Variants in SUPT3H observed in about 807,000 individuals in gnomAD.
SUPT3H encodes the protein transcription initiation protein SPT3 homolog.
SUPT3H carries 44 observed loss-of-function variants against 44.3 expected under a neutral mutation model. The ratio of observed to expected loss-of-function variants is 0.99; its 90% CI spans 0.78 to 1.28. SUPT3H has a LOEUF of 1.28. SUPT3H is among the 50% of genes most tolerant of loss of function. The pLI is 0.00. For synonymous variants in SUPT3H, 124 were observed against 125.6 expected, an observed-to-expected ratio of 0.99 and a Z score of 0.09; for missense variants, 380 against 387.1, an observed-to-expected ratio of 0.98 and a Z score of 0.15.
intron 6 of SUPT3H, among the ~76,000 whole-genome samples, chr6:44,999,376 G>A (rs907674581): frequency 2.0e-5 from 3 of 151,912 alleles, no homozygotes; most frequent in East Asian, 1.9e-4. Flanking sequence ...GACTACAGGC[G>A]TACACCACCA....
At chr6:45,119,008 T>C (rs1268674298) in intron 2 of SUPT3H, among the ~76,000 whole-genome samples, 1 of 152,178 alleles carries the variant, frequency 6.6e-6, no homozygotes, top group African/African-American at 2.4e-5. Flanking sequence ...GTTATCGTAG[T>C]TGAGTTATCA....
At chr6:45,297,915 T>C (rs1282427462) in intron 2 of SUPT3H, among the ~76,000 whole-genome samples, 2 of 152,184 alleles carry the variant, frequency 1.3e-5, no homozygotes, top group Non-Finnish European at 2.9e-5. Flanking sequence ...GCTCACAATA[T>C]CCATAAAAAG....
intron 2 of SUPT3H, among the ~76,000 whole-genome samples, chr6:45,165,869 T>C (rs1809758810): frequency 6.6e-6 from 1 of 152,128 alleles, no homozygotes. Context: ...AAATACTAAA[T>C]GATCTAACAT....
intron 2 of SUPT3H, among the ~76,000 whole-genome samples, chr6:45,153,649 T>C (rs1338919771): frequency 6.6e-6 from 1 of 152,150 alleles, no homozygotes; most frequent in African/African-American, 2.4e-5. Flanking sequence ...GGCTGATGGA[T>C]CACTTGAGGT....
intron 2 of SUPT3H, among the ~76,000 whole-genome samples, chr6:45,290,553 T>C (rs1234988941): frequency 6.6e-6 from 1 of 151,892 alleles, no homozygotes; most frequent in African/African-American, 2.4e-5. Flanking sequence ...TTTAACTATA[T>C]ACTCCTTTAA....
At chr6:45,327,749 A>G (rs1245197260) in intron 2 of SUPT3H, among the ~76,000 whole-genome samples, 1 of 151,176 alleles carries the variant, frequency 6.6e-6, no homozygotes, top group Non-Finnish European at 1.5e-5. Context: ...TTTTTTTACA[A>G]TGAGTTACAG....
chr6:44,954,267 C>G lies in SUPT3H; in HGVS notation c.693+228G>C, dbSNP rs79733661. Among the ~76,000 whole-genome samples, 13 of 152,298 alleles carry G rather than the reference C, an allele frequency of 8.5e-5. No homozygotes were observed. In the East Asian group the frequency reaches 2.5e-3, roughly 29 times the overall value. The stretch of plus-strand genomic sequence containing the variant: ...GAAAAAGCATGCAGGGATTCCATTT[C>G]TCATTAAGATAAAGGTACAAGAACT... On this transcript the variant is annotated intron_variant, in intron 8 of 10. Coordinates refer to ENST00000371459, the MANE Select transcript of SUPT3H (RefSeq NM_003599.4).
chr6:45,130,090 CAG>C (rs1302940228), intron 2 of SUPT3H, among the ~76,000 whole-genome samples: 4 of 152,160 alleles, frequency 2.6e-5, no homozygotes, highest in Non-Finnish European at 5.9e-5. Context: ...TGGACATTCA[CAG>C]AGTTGTGAAA....
chr6:45,211,520 GGTATTT>G (rs1764075894), intron 2 of SUPT3H, among the ~76,000 whole-genome samples: 1 of 151,968 alleles, frequency 6.6e-6, no homozygotes, highest in Non-Finnish European at 1.5e-5. Context: ...CATCTCCTTC[GGTATTT>G]GTCCAATAAC....
intron 3 of SUPT3H, among the ~76,000 whole-genome samples, chr6:45,104,536 A>AT (rs1799016781): frequency 6.6e-6 from 1 of 152,034 alleles, no homozygotes; most frequent in African/African-American, 2.4e-5. Flanking sequence ...GTATTATGTT[A>AT]TTATTGTTCA....
chr6:45,162,757 C>A (rs936366532), intron 2 of SUPT3H, among the ~76,000 whole-genome samples: 1 of 151,918 alleles, frequency 6.6e-6, no homozygotes, highest in Non-Finnish European at 1.5e-5. Flanking sequence ...CTAAGAGTAA[C>A]GATGCTTGTT....
At chr6:44,870,817 G>A (rs562310633) in intron 10 of SUPT3H, among the ~76,000 whole-genome samples, 122 of 151,676 alleles carry the variant, frequency 8.0e-4, no homozygotes, top group African/African-American at 2.9e-3. Flanking sequence ...GAAGCAGGGC[G>A]AGGCATTCCC....
chr6:45,219,515 C>T (rs1195178452), intron 2 of SUPT3H, among the ~76,000 whole-genome samples: 1 of 152,122 alleles, frequency 6.6e-6, no homozygotes, highest in Non-Finnish European at 1.5e-5. Context: ...TTTAGACTTA[C>T]GAATCTGACA....
chr6:45,212,481 ATGTGTGTGTGTGTG>A (rs11269206), intron 2 of SUPT3H, among the ~76,000 whole-genome samples: 1,116 of 43,126 alleles, frequency 0.026, 10 homozygotes, highest in Non-Finnish European at 0.029. Context: ...CACCTCCACT[ATGTGTGTGTGTGTG>A]TGTGTGTGTG....
At chr6:45,209,649 ATGT>A (rs1337752707) in intron 2 of SUPT3H, among the ~76,000 whole-genome samples, 1 of 152,236 alleles carries the variant, frequency 6.6e-6, no homozygotes, top group Non-Finnish European at 1.5e-5. Flanking sequence ...CCTGGTGAAG[ATGT>A]TGTGAACATT....
At chr6:44,979,075 CTAT>C (rs1778737676) in intron 6 of SUPT3H, among the ~76,000 whole-genome samples, 1 of 152,124 alleles carries the variant, frequency 6.6e-6, no homozygotes, top group African/African-American at 2.4e-5. Context: ...AGTAATACTC[CTAT>C]TGTACCACAC....
At chr6:44,963,923 G>C (rs1221529022) in intron 6 of SUPT3H, among the ~76,000 whole-genome samples, 1 of 151,476 alleles carries the variant, frequency 6.6e-6, no homozygotes, top group Non-Finnish European at 1.5e-5. Context: ...GCTTGAACTC[G>C]GGAGGCAGAG....
chr6:44,975,726 G>GA (rs1221521680), intron 6 of SUPT3H, among the ~76,000 whole-genome samples: 1 of 151,668 alleles, frequency 6.6e-6, no homozygotes, highest in Non-Finnish European at 1.5e-5. Flanking sequence ...ACACTATTGG[G>GA]AAAAAAATTG....
intron 6 of SUPT3H, among the ~76,000 whole-genome samples, chr6:44,987,225 A>T (rs1779936484): frequency 6.9e-6 from 1 of 144,416 alleles, no homozygotes; most frequent in African/African-American, 2.6e-5. Context: ...TTAACTCCCA[A>T]AGGTCCCATC....
Sources: allele counts gnomAD v4.1 joint callset (sites outside exome capture counted in the v4.1 genomes callset), GRCh38; gene constraint gnomAD v4.1.1; transcripts MANE v1.5; gene names NCBI Gene and HGNC (gene_info 2026-07-23, HGNC 2026-07-21).